The following COL23A1 variants were observed in gnomAD, a reference collection of about 807,000 sequenced individuals.
COL23A1 encodes the protein collagen type XXIII alpha 1 chain, also known as collagen alpha-1(XXIII) chain.
In COL23A1, 97 loss-of-function variants were observed where a neutral mutation model predicts 99.3. The ratio of observed to expected loss-of-function variants is 0.98; its 90% CI spans 0.83 to 1.16. The LOEUF is 1.16. Ranked by LOEUF, COL23A1 falls within the 50% of genes most tolerant of loss-of-function variation. The pLI, the probability that COL23A1 is intolerant of heterozygous loss-of-function variation, is 0.00. For missense variants in COL23A1, 762 were observed against 757.4 expected (o/e 1.01, Z -0.07); for synonymous variants, 320 against 308.2 (o/e 1.04, Z -0.40).
rs777944638 is a variant in COL23A1, at chr5:178,365,140, T to C, written c.362-58221A>G. On this transcript the variant is annotated intron_variant, in intron 2 of 28. Transcript: ENST00000390654. The surrounding 1 kb of genome is among the most constrained non-coding windows in gnomAD (Gnocchi z 5.2). ...TTTATGATGTTGCTGTGTGTGCGTG[T>C]GTGTGTGTGTGTGTGTGTGTGTGTG... Among the ~76,000 whole-genome samples, 15 of 36,540 alleles carry C rather than the reference T, an allele frequency of 4.1e-4. No individual in the cohort carries two copies. Among genetic ancestry groups the C allele is most frequent in the African/African-American group, 7.4e-4 (8 of 10,858 alleles). The allele number at this position is 36,540 out of a possible 152,430, so 24.0% of individuals were successfully genotyped here. A position where few individuals can be genotyped will look rare whatever the true frequency, so the allele number is the denominator to read the frequency against.
intron 2 of COL23A1, among the ~76,000 whole-genome samples, chr5:178,372,176 G>A (rs980940817): frequency 1.3e-5 from 2 of 152,208 alleles, no homozygotes; most frequent in Non-Finnish European, 2.9e-5. Context: ...CTCCAAAGAC[G>A]GGGCTGACGC....
Position 178,391,792 on chromosome 5 carries a change from A to G in COL23A1, c.362-84873T>C, listed in dbSNP as rs111921904. On this transcript the variant is annotated intron_variant, in intron 2 of 28. Transcript: ENST00000390654. Reference sequence around the variant, plus strand: ...CTTGTACGCCCATGTTCACAGCAACATTATTAAAAATGGCCCAAAAGTCCA... The same window carrying G: ...CTTGTACGCCCATGTTCACAGCAACGTTATTAAAAATGGCCCAAAAGTCCA... Among the ~76,000 whole-genome samples the G allele has an allele frequency of 7.2e-3, 1,093 of 152,344 alleles. 8 individuals carry two copies. The highest frequency in any genetic ancestry group is 0.025 in the African/African-American group (1,050 of 41,576).
At chr5:178,256,028 C>T (rs890804) in intron 15 of COL23A1, 33,062 of 252,484 alleles carry the variant, frequency 0.13, 3,095 homozygotes, top group African/African-American at 0.3. Flanking sequence ...CAGGATCAGG[C>T]ATACGACAAA....
intron 6 of COL23A1, among the ~76,000 whole-genome samples, 156 bp from the exon 7 acceptor site, chr5:178,268,912 C>A (rs1756063080): frequency 6.6e-6 from 1 of 152,128 alleles, no homozygotes; most frequent in Admixed American, 6.5e-5. Context: ...ATGAGAGCTG[C>A]CCTGGCTGGC....
chr5:178,276,149 G>A (rs544367067), intron 5 of COL23A1, among the ~76,000 whole-genome samples: 12 of 152,272 alleles, frequency 7.9e-5, no homozygotes, highest in East Asian at 1.9e-4. Context: ...CTCATCTGCC[G>A]GGAAAAGCCT....
At position 178,400,510 on chromosome 5, in the gene COL23A1, G is replaced by C. The variant is rs139416435; in HGVS notation, c.362-93591C>G. ...TCCTCTGTAGGAGGATCTGTTCTCT[G>C]TTTCTATAGTTTTCTAAAAATTGTG... On this transcript the variant is annotated intron_variant, in intron 2 of 28. Transcript: ENST00000390654. 4.5e-3 allele frequency among the ~76,000 whole-genome samples: 681 copies of C among 151,660 alleles called. 4 individuals are homozygous for C. The highest frequency in any genetic ancestry group is 0.016 in the African/African-American group (650 of 41,318).
chr5:178,516,272 C>A (rs777239998), intron 2 of COL23A1, among the ~76,000 whole-genome samples: 1 of 152,362 alleles, frequency 6.6e-6, no homozygotes, highest in African/African-American at 2.4e-5. Flanking sequence ...CCAGCTCCTG[C>A]GTCTCTGGTA....
intron 2 of COL23A1, among the ~76,000 whole-genome samples, chr5:178,391,790 A>G (rs1422140362): frequency 6.6e-6 from 1 of 152,232 alleles, no homozygotes; most frequent in Non-Finnish European, 1.5e-5. Context: ...GTTCACAGCA[A>G]CATTATTAAA....
At chr5:178,254,120 C>T (rs1765180116) in intron 16 of COL23A1, among the ~76,000 whole-genome samples, 1 of 152,148 alleles carries the variant, frequency 6.6e-6, no homozygotes, top group Admixed American at 6.5e-5. Context: ...GCCGAGATCA[C>T]ACCCAGCCTG....
chr5:178,282,860 ATTTTTCT>A (rs1167790634), intron 5 of COL23A1, among the ~76,000 whole-genome samples: 1 of 150,386 alleles, frequency 6.6e-6, no homozygotes, highest in Non-Finnish European at 1.5e-5. Flanking sequence ...GGGACAAGTG[ATTTTTCT>A]TTTTTCTTTT....
At chr5:178,543,358 T>C (rs1761401633) in intron 2 of COL23A1, among the ~76,000 whole-genome samples, 1 of 152,092 alleles carries the variant, frequency 6.6e-6, no homozygotes, top group African/African-American at 2.4e-5. Flanking sequence ...TCTCCCACCT[T>C]GGCCTCCCAA....
At chr5:178,399,046 C>T (rs1409364930) in intron 2 of COL23A1, among the ~76,000 whole-genome samples, 2 of 152,226 alleles carry the variant, frequency 1.3e-5, no homozygotes, top group Non-Finnish European at 2.9e-5. Context: ...GGGCAGAGGG[C>T]CCTGGGCTTG....
chr5:178,387,301 C>T lies in COL23A1; in HGVS notation c.362-80382G>A, dbSNP rs1448973623. On this transcript the variant is annotated intron_variant, in intron 2 of 28. Coordinates refer to ENST00000390654, the MANE Select transcript of COL23A1 (RefSeq NM_173465.4). The surrounding 1 kb of genome is among the most constrained non-coding windows in gnomAD (Gnocchi z 4.7). ...GCCCAGACTCCCCACTTCTCTTCCT[C>T]GTCTCCTTCCACATGCCCTTCAAAT... 2.6e-5 allele frequency among the ~76,000 whole-genome samples: 4 copies of T among 152,282 alleles called. No homozygotes were observed. Among genetic ancestry groups the T allele is most frequent in the African/African-American group, 4.8e-5 (2 of 41,544 alleles).
At position 178,246,380 on chromosome 5, in the gene COL23A1, G is replaced by A. The variant is rs1187263697; in HGVS notation, c.1359+11C>T. ...AACACCTTTGGGACAAACAACGCTT[G>A]TGAGACTCACAGGCAGGCCGCTGGG... On this transcript the variant is annotated intron_variant, in intron 23 of 28. Transcript: ENST00000390654. The A allele has an allele frequency of 8.3e-6, 13 of 1,575,458 alleles. No individual in the cohort carries two copies. The highest frequency in any genetic ancestry group is 1.8e-5 in the Admixed American group (1 of 54,264).
At chr5:178,485,667 C>T (rs1757585196) in intron 2 of COL23A1, among the ~76,000 whole-genome samples, 1 of 150,988 alleles carries the variant, frequency 6.6e-6, no homozygotes, top group African/African-American at 2.4e-5. Flanking sequence ...GTAATCCCAG[C>T]TACTCGGGAG....
chr5:178,543,856 T>C (rs1176989467), intron 2 of COL23A1, among the ~76,000 whole-genome samples: 1 of 152,174 alleles, frequency 6.6e-6, no homozygotes, highest in African/African-American at 2.4e-5. Context: ...GACAATGTAT[T>C]GCTCACAGTT....
At chr5:178,358,020 G>GTGTGTATGCATA (rs1554145058) in intron 2 of COL23A1, among the ~76,000 whole-genome samples, 3 of 142,728 alleles carry the variant, frequency 2.1e-5, no homozygotes, top group Non-Finnish European at 3.1e-5. Context: ...GTGTGTATGT[G>GTGTGTATGCATA]TGTGTATGCG....
chr5:178,345,314 A>T, intron 2 of COL23A1: 80 of 404,508 alleles, frequency 2.0e-4, no homozygotes, highest in South Asian at 2.5e-4. Context: ...CACTTGGAGC[A>T]ATTCGGAAGA....
In COL23A1 at chr5:178,439,709, C is replaced by T. The variant is rs1021424058; in HGVS notation, c.361+120973G>A. On this transcript the variant is annotated intron_variant, in intron 2 of 28. Coordinates refer to ENST00000390654, the MANE Select transcript of COL23A1 (RefSeq NM_173465.4). This position sits in a 1 kb window ranked among gnomAD's most constrained non-coding sequence, Gnocchi z 4.2. ...AGCAACTCCGCTCCTAGGATCTCCC[C>T]GGGAGAAATGAAAACATACGTCCAT... 4 of 152,204 alleles carry T rather than the reference C, an allele frequency of 2.6e-5. No individual in the cohort carries two copies. The highest frequency in any genetic ancestry group is 4.4e-5 in the Non-Finnish European group (3 of 68,052). 9.4% of individuals were successfully genotyped at this position (152,204 alleles called of 1,614,324 possible).
Sources: gnomAD v4.1 joint callset for allele counts (sites outside exome capture counted in the v4.1 genomes callset) on GRCh38, gnomAD v4.1.1 for gene constraint, Gnocchi (gnomAD v3.1) non-coding constraint, MANE v1.5 for transcripts, NCBI Gene and HGNC (gene_info 2026-07-23, HGNC 2026-07-21) for gene names.